The following NLRP7 variants were observed in gnomAD, a reference collection of about 807,000 sequenced individuals.
NLRP7 encodes NLR family pyrin domain containing 7.
NLRP7 carries 72 observed loss-of-function variants against 85.5 expected under a neutral mutation model. The observed-to-expected ratio is 0.84, with a 90% CI of 0.70 to 1.02. NLRP7 has a LOEUF of 1.02. Ranked by LOEUF, NLRP7 falls within the 50% of genes least tolerant of loss-of-function variation. NLRP7 has a pLI of 0.00. For synonymous variants in NLRP7, 550 were observed against 505.2 expected, an observed-to-expected ratio of 1.09 and a Z score of -1.19; for missense variants, 1,243 against 1,219.5, an observed-to-expected ratio of 1.02 and a Z score of -0.29.
At chr19:54,947,321 C>T (rs1460059781) in intron 1 of NLRP7, 148 bp downstream of exon 1, 3 of 505,166 alleles carry the variant, frequency 5.9e-6, no homozygotes, top group Non-Finnish European at 6.6e-6. Flanking sequence ...AGGGAGACTC[C>T]GTCTCAAAAA....
At chr19:54,963,896 T>C (rs2070171073) in intron 1 of NLRP7, among the ~76,000 whole-genome samples, 1 of 151,074 alleles carries the variant, frequency 6.6e-6, no homozygotes, top group Non-Finnish European at 1.5e-5. Context: ...TCTTTTTTTT[T>C]TTGAGACGGA....
At chr19:54,939,525 G>T in exon 4 of NLRP7, 1 of 1,613,704 alleles carries the variant, frequency 6.2e-7, no homozygotes, top group Non-Finnish European at 8.5e-7. Context: ...AGGTCCTCTC[G>T]GTGGAACACG....
intron 1 of NLRP7, among the ~76,000 whole-genome samples, chr19:54,963,592 G>C (rs1425023042): frequency 1.3e-5 from 2 of 152,050 alleles, no homozygotes; most frequent in Non-Finnish European, 2.9e-5. Flanking sequence ...GGGAGGCCGA[G>C]GTGAGCAGAT....
At position 54,934,427 on chromosome 19, in the gene NLRP7, A is replaced by G; in HGVS notation, c.2471+62T>C. The G allele has an allele frequency of 6.4e-7, 1 of 1,554,342 alleles. No homozygotes were observed. The highest frequency in any genetic ancestry group is 1.4e-5 in the African/African-American group (1 of 73,842). On this transcript the variant is annotated intron_variant, in intron 7 of 9. Transcript: ENST00000340844. This position sits in a 1 kb window ranked among gnomAD's most constrained non-coding sequence, Gnocchi z 6.7. The stretch of plus-strand genomic sequence containing the variant: ...TGGGTGGCGCAGTAAGTCAGGTGTT[A>G]CCCTTTCTCTTCTATAGCCCCAGAA...
At chr19:54,927,820 AG>A in intron 9 of NLRP7, 45 bp from the exon 10 acceptor site, 1 of 1,579,032 alleles carries the variant, frequency 6.3e-7, no homozygotes, top group South Asian at 1.1e-5. Context: ...CTGAGCAGGT[AG>A]TGGCTCAAGC....
At chr19:54,963,778 T>G (rs991671224) in intron 1 of NLRP7, among the ~76,000 whole-genome samples, 3 of 148,684 alleles carry the variant, frequency 2.0e-5, no homozygotes, top group African/African-American at 7.4e-5. Context: ...GAGCCAAGAT[T>G]GCGCCACTGC....
chr19:54,946,165 C>T (rs1057029009), intron 1 of NLRP7, among the ~76,000 whole-genome samples: 4 of 151,946 alleles, frequency 2.6e-5, no homozygotes, highest in African/African-American at 9.7e-5. Flanking sequence ...CCTCGGCCTC[C>T]CAAAGTGCTG....
upstream of NLRP7, among the ~76,000 whole-genome samples, chr19:54,948,241 C>T (rs952055577): frequency 1.3e-5 from 2 of 152,176 alleles, no homozygotes; most frequent in Admixed American, 1.3e-4. Flanking sequence ...AAAAATTAGC[C>T]AGGTGTGGTG....
At chr19:54,930,115 CAA>C (rs34446838) in intron 9 of NLRP7, among the ~76,000 whole-genome samples, 23,293 of 100,230 alleles carry the variant, frequency 0.23, 2,083 homozygotes, top group Non-Finnish European at 0.28. Flanking sequence ...GGCTCCGTCT[CAA>C]AAAAAAAAAA....
chr19:54,933,723 G>A (rs765405616), exon 8 of NLRP7: 1 of 1,614,136 alleles, frequency 6.2e-7, no homozygotes, highest in South Asian at 1.1e-5. Context: ...GCTTCTGTAA[G>A]ACGACAGTTT....
exon 8 of NLRP7, chr19:54,933,730 G>T: frequency 6.2e-7 from 1 of 1,614,066 alleles, no homozygotes; most frequent in Non-Finnish European, 8.5e-7. Context: ...TAAGACGACA[G>T]TTTTCCAACC....
chr19:54,941,100 A>G, intron 2 of NLRP7, 95 bp from the exon 3 acceptor site: 2 of 940,852 alleles, frequency 2.1e-6, no homozygotes, highest in South Asian at 1.3e-5. Flanking sequence ...ATGGTGGCTC[A>G]TGCCTGTAAT....
At chr19:54,962,874 C>T (rs1199372352) in intron 1 of NLRP7, among the ~76,000 whole-genome samples, 1 of 152,022 alleles carries the variant, frequency 6.6e-6, no homozygotes, top group African/African-American at 2.4e-5. Context: ...GCTGGGATTA[C>T]AGGCGTGAGG....
chr19:54,945,627 C>T (rs898272929), intron 1 of NLRP7, among the ~76,000 whole-genome samples: 3 of 151,726 alleles, frequency 2.0e-5, no homozygotes, highest in Admixed American at 6.6e-5. Flanking sequence ...GAGATGGAGT[C>T]TCCCTCTGTT....
At chr19:54,954,794 A>C (rs879799724) in intron 1 of NLRP7, among the ~76,000 whole-genome samples, 2 of 151,984 alleles carry the variant, frequency 1.3e-5, no homozygotes, top group Admixed American at 6.6e-5. Context: ...CAGAGGTTTC[A>C]GTGAGCCAAG....
intron 9 of NLRP7, 81 bp from the exon 10 acceptor site, chr19:54,927,856 C>A: frequency 7.7e-7 from 1 of 1,294,468 alleles, no homozygotes. Flanking sequence ...CTTCGGGAGG[C>A]CAAGGCGGGT....
chr19:54,961,516 A>G (rs1004622858), intron 1 of NLRP7, among the ~76,000 whole-genome samples: 1 of 150,924 alleles, frequency 6.6e-6, no homozygotes, highest in African/African-American at 2.4e-5. Context: ...ATAAATAAAT[A>G]AATAAAAGAA....
chr19:54,953,936 G>A (rs2069761447), intron 1 of NLRP7, among the ~76,000 whole-genome samples: 1 of 151,978 alleles, frequency 6.6e-6, no homozygotes, highest in Non-Finnish European at 1.5e-5. Flanking sequence ...GAACCCGGGT[G>A]ATGGAGCTTG....
At chr19:54,942,684 G>A (rs1022400253) in intron 1 of NLRP7, among the ~76,000 whole-genome samples, 10 of 151,926 alleles carry the variant, frequency 6.6e-5, no homozygotes, top group Non-Finnish European at 1.2e-4. Context: ...CATTGCACTC[G>A]AGCCTCGGCA....
Sources: allele counts gnomAD v4.1 joint callset (sites outside exome capture counted in the v4.1 genomes callset), GRCh38; gene constraint gnomAD v4.1.1; non-coding constraint Gnocchi (gnomAD v3.1); transcripts MANE v1.5; gene names NCBI Gene and HGNC (gene_info 2026-07-23, HGNC 2026-07-21).